EYA2: variants seen among roughly 807,000 people sequenced by gnomAD.
EYA2 encodes the protein EYA transcriptional coactivator and phosphatase 2, also known as protein phosphatase EYA2.
In EYA2, 31 loss-of-function variants were observed where a neutral mutation model predicts 69.2. The observed-to-expected ratio is 0.45, with a 90% CI of 0.34 to 0.60. The LOEUF is 0.60. EYA2 is among the 20% of genes least tolerant of loss of function. EYA2 has a pLI of 0.02. For synonymous variants in EYA2, 257 were observed against 279.4 expected (o/e 0.92, Z 0.80); for missense variants, 622 against 701.2 (o/e 0.89, Z 1.28).
chr20:47,045,659 A>G (rs770169762), intron 5 of EYA2, among the ~76,000 whole-genome samples: 7 of 152,142 alleles, frequency 4.6e-5, no homozygotes, highest in Non-Finnish European at 1.0e-4. Flanking sequence ...AACTCTTTTC[A>G]TATCCGTCTA....
At chr20:47,075,539 G>C (rs1355042341) in intron 7 of EYA2, among the ~76,000 whole-genome samples, 1 of 152,064 alleles carries the variant, frequency 6.6e-6, no homozygotes, top group African/African-American at 2.4e-5. Flanking sequence ...CAGCCTGGCT[G>C]TGTACGGCCA....
chr20:46,945,310 G>A (rs555316217), intron 1 of EYA2, among the ~76,000 whole-genome samples: 1 of 152,282 alleles, frequency 6.6e-6, no homozygotes, highest in African/African-American at 2.4e-5. Flanking sequence ...CGTAAGTGCT[G>A]TTTTAAGAGT....
rs1228364087 is a variant in EYA2, at chr20:47,078,325, GCGCGCGCACACACA to G, written c.661+3992_661+4005del. ...TGTGTGCACATGTGCACGTGCGCGC[GCGCGCGCACACACA>G]CACACACACACACACACACACACAT... On this transcript the variant is annotated intron_variant, in intron 7 of 15. Coordinates refer to ENST00000327619, the MANE Select transcript of EYA2 (RefSeq NM_005244.5). 2.3e-3 allele frequency among the ~76,000 whole-genome samples: 246 copies of G among 105,352 alleles called. 2 individuals are homozygous for G. Among genetic ancestry groups the G allele is most frequent in the African/African-American group, 5.6e-3 (129 of 23,020 alleles). 69.1% of individuals were successfully genotyped at this position (105,352 alleles called of 152,430 possible).
In EYA2 at chr20:47,142,328, C is replaced by T. The variant is rs529540413; in HGVS notation, c.889-731C>T. 2.7e-3 allele frequency among the ~76,000 whole-genome samples: 404 copies of T among 152,360 alleles called. 5 individuals are homozygous for T. Among genetic ancestry groups the T allele is most frequent in the Non-Finnish European group, 1.5e-3 (105 of 68,038 alleles). On this transcript the variant is annotated intron_variant, in intron 9 of 15. Transcript: ENST00000327619. Reference sequence around the variant, plus strand: ...GTGAACAGCAGTACAGTCTACCACACTGTGTATACAGAAAGGAGGCACTTT... The same window carrying T: ...GTGAACAGCAGTACAGTCTACCACATTGTGTATACAGAAAGGAGGCACTTT...
At chr20:47,018,051 T>C (rs80303523) in intron 5 of EYA2, among the ~76,000 whole-genome samples, 2,218 of 152,148 alleles carry the variant, frequency 0.015, 52 homozygotes, top group African/African-American at 0.049. Flanking sequence ...GAGACCCATC[T>C]CTCCAAGTGG....
chr20:47,152,082 A>T (rs1056198379), intron 10 of EYA2, among the ~76,000 whole-genome samples: 12 of 151,936 alleles, frequency 7.9e-5, no homozygotes, highest in Non-Finnish European at 1.5e-4. Context: ...CAATCCAGGG[A>T]CCTCTTCTCG....
intron 9 of EYA2, among the ~76,000 whole-genome samples, chr20:47,101,017 A>C (rs1272971852): frequency 6.6e-6 from 1 of 152,216 alleles, no homozygotes; most frequent in Non-Finnish European, 1.5e-5. Context: ...CCAGTAAGCA[A>C]GAATAGGAAA....
intron 2 of EYA2, chr20:46,998,410 C>T (rs1409587099): frequency 1.3e-5 from 2 of 152,334 alleles, no homozygotes; most frequent in Non-Finnish European, 2.9e-5. Flanking sequence ...AGCCTACTTC[C>T]TGGTACTGTG....
intron 1 of EYA2, among the ~76,000 whole-genome samples, chr20:46,979,012 C>T (rs1310556000): frequency 6.6e-6 from 1 of 152,220 alleles, no homozygotes; most frequent in African/African-American, 2.4e-5. Flanking sequence ...TGTCCAGAAG[C>T]CTGTGATTGA....
At chr20:46,912,331 G>T (rs1206557819) in intron 1 of EYA2, among the ~76,000 whole-genome samples, 3 of 152,220 alleles carry the variant, frequency 2.0e-5, no homozygotes, top group Non-Finnish European at 4.4e-5. Context: ...TGTGTACGAG[G>T]TGAGACTTTT....
chr20:46,932,800 C>T (rs961598782), intron 1 of EYA2, among the ~76,000 whole-genome samples: 3 of 152,024 alleles, frequency 2.0e-5, no homozygotes, highest in Non-Finnish European at 4.4e-5. Context: ...GCAGGAGAAT[C>T]GCTTGAACCC....
intron 8 of EYA2, among the ~76,000 whole-genome samples, chr20:47,095,586 A>G (rs893647552): frequency 6.6e-6 from 1 of 152,154 alleles, no homozygotes; most frequent in Non-Finnish European, 1.5e-5. Flanking sequence ...TTAAAATTCT[A>G]GAAAGAAAAA....
At chr20:46,943,171 GA>G (rs1986226650) in intron 1 of EYA2, among the ~76,000 whole-genome samples, 1 of 152,222 alleles carries the variant, frequency 6.6e-6, no homozygotes, top group Non-Finnish European at 1.5e-5. Flanking sequence ...GTCACATCTA[GA>G]GGGGAGGCGT....
intron 1 of EYA2, among the ~76,000 whole-genome samples, chr20:46,953,194 C>T (rs897989117): frequency 6.6e-6 from 1 of 152,160 alleles, no homozygotes. Flanking sequence ...TTTACATATT[C>T]TAATTCGTTT....
chr20:46,934,676 C>T (rs952656190), intron 1 of EYA2, among the ~76,000 whole-genome samples: 1 of 151,926 alleles, frequency 6.6e-6, no homozygotes, highest in Non-Finnish European at 1.5e-5. Flanking sequence ...CCTAGAAGAC[C>T]GTTCATTCAA....
chr20:47,092,726 A>G (rs2032122592), intron 8 of EYA2, among the ~76,000 whole-genome samples: 1 of 152,190 alleles, frequency 6.6e-6, no homozygotes, highest in Non-Finnish European at 1.5e-5. Flanking sequence ...TCTTGATTTC[A>G]GCATAAGTAC....
intron 1 of EYA2, among the ~76,000 whole-genome samples, chr20:46,946,670 T>C (rs1424005453): frequency 1.3e-5 from 2 of 150,848 alleles, no homozygotes; most frequent in African/African-American, 4.8e-5. Context: ...TCTGCTCTTA[T>C]CACATAAAAG....
chr20:47,024,208 T>G lies in EYA2; in HGVS notation c.415+7911T>G, dbSNP rs370214860. 2.0e-3 allele frequency among the ~76,000 whole-genome samples: 306 copies of G among 152,330 alleles called. 1 individual carries two copies. The highest frequency in any genetic ancestry group is 5.0e-3 in the African/African-American group (208 of 41,576). On this transcript the variant is annotated intron_variant, in intron 5 of 15. Transcript: ENST00000327619. ...GATATTTTTATATTCCTATAAATAC[T>G]TTTGAGCTTTGTTCTGGGATGCAGT...
At chr20:46,916,424 G>A (rs1259916573) in intron 1 of EYA2, among the ~76,000 whole-genome samples, 1 of 152,040 alleles carries the variant, frequency 6.6e-6, no homozygotes, top group Non-Finnish European at 1.5e-5. Flanking sequence ...CAGAGTCTGT[G>A]TGAATATGTG....
Sources: gnomAD v4.1 joint callset for allele counts (sites outside exome capture counted in the v4.1 genomes callset) on GRCh38, gnomAD v4.1.1 for gene constraint, MANE v1.5 for transcripts, NCBI Gene and HGNC (gene_info 2026-07-23, HGNC 2026-07-21) for gene names.